The following PRSS23 variants were observed in gnomAD, a reference collection of about 807,000 sequenced individuals.
PRSS23 encodes the protein serine protease 23.
PRSS23 carries 25 observed loss-of-function variants against 34.7 expected under a neutral mutation model. The observed-to-expected ratio is 0.72, with a 90% confidence interval of 0.53 to 1.01. The LOEUF (loss-of-function observed/expected upper bound fraction) is 1.01. PRSS23 is among the 50% of genes least tolerant of loss of function. The pLI is 0.00. For missense variants in PRSS23, 445 were observed against 475.6 expected (o/e 0.94, Z 0.60); for synonymous variants, 176 against 186.6 (o/e 0.94, Z 0.46).
chr11:86,840,422 C>G (rs910018777), intron 2 of PRSS23, among the ~76,000 whole-genome samples: 27 of 152,160 alleles, frequency 1.8e-4, no homozygotes, highest in Non-Finnish European at 3.4e-4. Context: ...GCTAACTATC[C>G]TAAATATATA....
chr11:86,817,737 A>G (rs566383057), intron 1 of PRSS23, among the ~76,000 whole-genome samples: 4 of 152,344 alleles, frequency 2.6e-5, no homozygotes, highest in Admixed American at 2.6e-4. Context: ...TGAAACCAAC[A>G]AGCATGTATT....
intron 2 of PRSS23, among the ~76,000 whole-genome samples, chr11:86,939,426 A>ATTTTTTTTTTT: frequency 4.3e-5 from 4 of 94,070 alleles, no homozygotes; most frequent in East Asian, 2.9e-4. Flanking sequence ...ATATATATAT[A>ATTTTTTTTTTT]TTTTTTAACA....
chr11:86,939,406 ATATAT>A (rs1565392773), intron 2 of PRSS23, among the ~76,000 whole-genome samples: 9 of 55,514 alleles, frequency 1.6e-4, no homozygotes, highest in African/African-American at 4.8e-4. Context: ...AAAAAAAAAT[ATATAT>A]ATATATATAT....
upstream of PRSS23, among the ~76,000 whole-genome samples, chr11:86,799,459 A>G (rs1373801731): frequency 1.3e-5 from 2 of 152,198 alleles, no homozygotes; most frequent in East Asian, 3.8e-4. Flanking sequence ...TTGTCCTACC[A>G]TTCAGTAGCT....
intron 2 of PRSS23, among the ~76,000 whole-genome samples, chr11:86,894,401 A>G (rs1168512388): frequency 6.6e-6 from 1 of 152,200 alleles, no homozygotes; most frequent in Non-Finnish European, 1.5e-5. Flanking sequence ...AAAGACAATG[A>G]ATGTTAGAGG....
At chr11:86,868,580 C>A (rs551222906) in intron 2 of PRSS23, among the ~76,000 whole-genome samples, 1 of 152,234 alleles carries the variant, frequency 6.6e-6, no homozygotes, top group South Asian at 2.1e-4. Context: ...CTCCCTTTGA[C>A]CCTGTGTAGC....
At chr11:86,952,148 T>G (rs1949299453) in exon 3 of PRSS23, 1 of 1,612,712 alleles carries the variant, frequency 6.2e-7, no homozygotes, top group African/African-American at 1.3e-5. Flanking sequence ...ATAGCCACAC[T>G]TGAGCACACA....
At chr11:86,822,836 G>C (rs900981417) in intron 1 of PRSS23, among the ~76,000 whole-genome samples, 1 of 152,196 alleles carries the variant, frequency 6.6e-6, no homozygotes, top group Non-Finnish European at 1.5e-5. Context: ...GATCTTTGCA[G>C]CGTGGGCAAG....
intron 2 of PRSS23, among the ~76,000 whole-genome samples, chr11:86,856,316 T>C (rs1948570686): frequency 7.8e-6 from 1 of 128,832 alleles, no homozygotes; most frequent in South Asian, 2.4e-4. Flanking sequence ...AAACAGTCTC[T>C]GGTGCTTTAA....
intron 2 of PRSS23, chr11:86,837,582 C>G (rs964948754): frequency 6.6e-6 from 1 of 152,178 alleles, no homozygotes; most frequent in Non-Finnish European, 1.5e-5. Context: ...TCCTGGGCAA[C>G]ATGGTGAAAC....
At chr11:86,882,524 C>A (rs1226150869) in intron 2 of PRSS23, among the ~76,000 whole-genome samples, 1 of 152,010 alleles carries the variant, frequency 6.6e-6, no homozygotes, top group African/African-American at 2.4e-5. Flanking sequence ...CATGTCCCTA[C>A]GAAGGGCATG....
intron 2 of PRSS23, among the ~76,000 whole-genome samples, chr11:86,861,691 G>T (rs541468332): frequency 1.5e-4 from 23 of 151,028 alleles, no homozygotes; most frequent in Non-Finnish European, 3.1e-4. Context: ...CTACCCAAGG[G>T]GGGTAGAGGT....
intron 2 of PRSS23, among the ~76,000 whole-genome samples, chr11:86,885,229 T>C (rs573672871): frequency 3.9e-5 from 6 of 152,340 alleles, no homozygotes; most frequent in African/African-American, 1.4e-4. Context: ...TTTAACTATA[T>C]CATCCCAAGA....
At chr11:86,937,394 C>T (rs1237972365) in intron 2 of PRSS23, 1 of 152,182 alleles carries the variant, frequency 6.6e-6, no homozygotes, top group Non-Finnish European at 1.5e-5. Context: ...AGAGCAACTC[C>T]ATCTTGAGTA....
chr11:86,840,670 C>T (rs1371970323), intron 2 of PRSS23, among the ~76,000 whole-genome samples: 1 of 152,168 alleles, frequency 6.6e-6, no homozygotes, highest in African/African-American at 2.4e-5. Flanking sequence ...CTTGTCAGCA[C>T]CACATCACAC....
chr11:86,832,640 G>A (rs1158777359), intron 2 of PRSS23: 2 of 467,810 alleles, frequency 4.3e-6, no homozygotes, highest in Non-Finnish European at 4.2e-6. Context: ...TGAGGCCACT[G>A]CACCCTTTCT....
chr11:86,884,750 A>G (rs1369514930), intron 2 of PRSS23, among the ~76,000 whole-genome samples: 5 of 152,134 alleles, frequency 3.3e-5, no homozygotes, highest in African/African-American at 1.2e-4. Flanking sequence ...CCCCTACACT[A>G]TCATATCTTA....
chr11:86,793,797 A>G (rs1049855019), intron 1 of PRSS23, among the ~76,000 whole-genome samples: 2 of 152,252 alleles, frequency 1.3e-5, no homozygotes, highest in African/African-American at 4.8e-5. Flanking sequence ...CTGCTAGACT[A>G]TAGCAGAAAA....
rs1283026585 is a variant in PRSS23, at chr11:86,939,428, T to A, written c.207-11788T>A. ...AATATATATATATATATATATATATTTTTTAACATGAGTAAAAATTGCAAA... is the reference window on the plus strand; with the variant it reads ...AATATATATATATATATATATATATATTTTAACATGAGTAAAAATTGCAAA... On this transcript the variant is annotated intron_variant, in intron 2 of 2. Coordinates refer to the PRSS23 transcript ENST00000533902. 7.1e-4 allele frequency among the ~76,000 whole-genome samples: 75 copies of A among 105,128 alleles called. 1 individual carries two copies. The highest frequency in any genetic ancestry group is 3.6e-3 in the East Asian group (11 of 3,074). 69.0% of individuals were successfully genotyped at this position (105,128 alleles called of 152,430 possible).
Sources: gnomAD v4.1 joint callset for allele counts (sites outside exome capture counted in the v4.1 genomes callset) on GRCh38, gnomAD v4.1.1 for gene constraint, MANE v1.5 for transcripts, NCBI Gene and HGNC (gene_info 2026-07-23, HGNC 2026-07-21) for gene names.